The following CTIF variants were observed in gnomAD, a reference collection of about 807,000 sequenced individuals.
The protein encoded by CTIF is cap binding complex dependent translation initiation factor, also known as CBP80/20-dependent translation initiation factor.
CTIF carries 21 observed loss-of-function variants against 66.0 expected under a neutral mutation model. The observed-to-expected ratio is 0.32, with a 90% CI of 0.23 to 0.46. The LOEUF (loss-of-function observed/expected upper bound fraction) is 0.46, where lower values mean the gene tolerates loss of function less well. CTIF is among the 20% of genes least tolerant of loss of function. The pLI, the probability that CTIF is intolerant of heterozygous loss-of-function variation, is 1.00. For missense variants in CTIF, 739 were observed against 812.7 expected, an observed-to-expected ratio of 0.91 and a Z score of 1.10; for synonymous variants, 345 against 326.4, an observed-to-expected ratio of 1.06 and a Z score of -0.62.
At position 48,785,816 on chromosome 18, in the gene CTIF, G is replaced by A. The variant is rs566654598; in HGVS notation, c.1371+24127G>A. On this transcript the variant is annotated intron_variant, in intron 9 of 11. Transcript: ENST00000256413. ...TGGAAAATGCCAATGCCCAGGCTAT[G>A]CCCCAAGCAAATTGTGTCACCATCT... is the stretch of plus-strand genomic sequence containing the variant. 1.4e-4 allele frequency among the ~76,000 whole-genome samples: 21 copies of A among 152,278 alleles called. No individual in the cohort carries two copies. In the South Asian group the frequency reaches 2.1e-3, roughly 15 times the overall value.
rs566040706 is a variant in CTIF at position 48,611,720 on chromosome 18, G to A, written c.-28-7818G>A. Among the ~76,000 whole-genome samples, 15 of 152,286 alleles carry A rather than the reference G, an allele frequency of 9.8e-5. No individual in the cohort carries two copies. In the East Asian group the frequency reaches 1.7e-3, roughly 18 times the overall value. The stretch of plus-strand genomic sequence containing the variant: ...TTAAAGTTTCGGAAGCAGTGCTCCC[G>A]GCCAATATGTTTTTCATGGGTAGGT... On this transcript the variant is annotated intron_variant, in intron 1 of 11. Coordinates refer to ENST00000256413, the MANE Select transcript of CTIF (RefSeq NM_014772.3).
At chr18:48,797,579 G>A (rs764047000) in intron 9 of CTIF, among the ~76,000 whole-genome samples, 40 of 151,828 alleles carry the variant, frequency 2.6e-4, no homozygotes, top group Non-Finnish European at 5.7e-4. Context: ...TGAGTTGACT[G>A]GGGATTTGCT....
chr18:48,542,331 G>A (rs561537596), intron 1 of CTIF, among the ~76,000 whole-genome samples: 1 of 152,330 alleles, frequency 6.6e-6, no homozygotes, highest in African/African-American at 2.4e-5. Context: ...TGTTCATTGA[G>A]TCTTTATTGA....
chr18:48,765,189 G>A (rs1214046161), intron 9 of CTIF, among the ~76,000 whole-genome samples: 1 of 151,972 alleles, frequency 6.6e-6, no homozygotes, highest in Non-Finnish European at 1.5e-5. Flanking sequence ...TCATTTTCTG[G>A]CAAACTATGT....
intron 6 of CTIF, among the ~76,000 whole-genome samples, chr18:48,674,765 C>G (rs1484799649): frequency 6.6e-6 from 1 of 152,190 alleles, no homozygotes; most frequent in Non-Finnish European, 1.5e-5. Context: ...AGGGCTCACC[C>G]TATACCTCTG....
chr18:48,772,703 T>A (rs1017085038), intron 9 of CTIF, among the ~76,000 whole-genome samples: 1 of 152,260 alleles, frequency 6.6e-6, no homozygotes. Flanking sequence ...CCATTTTATG[T>A]CTATACCACA....
intron 7 of CTIF, among the ~76,000 whole-genome samples, chr18:48,754,890 G>A (rs747550977): frequency 6.6e-6 from 1 of 152,214 alleles, no homozygotes; most frequent in Non-Finnish European, 1.5e-5. Context: ...AAGCCCTGCA[G>A]GAGCCAGCTG....
Position 48,666,902 on chromosome 18 carries a change from A to G in CTIF, c.431+2351A>G, listed in dbSNP as rs183493512. On this transcript the variant is annotated intron_variant, in intron 5 of 11. Transcript: ENST00000256413. ...CCTTACCTACCTTTCTCAGTGGGTC[A>G]GCTTCAGGAAGGGGTTGTGAGCAAA... 1.2e-3 allele frequency among the ~76,000 whole-genome samples: 185 copies of G among 152,340 alleles called. 2 individuals carry two copies. Among genetic ancestry groups the G allele is most frequent in the Non-Finnish European group, 4.1e-4 (28 of 68,022 alleles).
intron 7 of CTIF, among the ~76,000 whole-genome samples, chr18:48,724,765 T>C (rs1220840494): frequency 2.0e-5 from 3 of 152,178 alleles, no homozygotes; most frequent in Non-Finnish European, 2.9e-5. Flanking sequence ...AGCACACACA[T>C]TCATTCATGT....
rs1046918626 is a variant in CTIF, at chr18:48,603,861, T to A, written c.-28-15677T>A. ...TAGACTCAGTGAAATTTTTTTTTTT[T>A]TTTTTTTGAGATGGAGTCTCACTGT... On this transcript the variant is annotated intron_variant, in intron 1 of 11. Coordinates refer to ENST00000256413, the MANE Select transcript of CTIF (RefSeq NM_014772.3). 2.6e-5 allele frequency among the ~76,000 whole-genome samples: 4 copies of A among 151,496 alleles called. No individual in the cohort carries two copies. The East Asian group carries it at 7.7e-4, about 29-fold the overall frequency.
chr18:48,568,195 T>C (rs942090077), intron 1 of CTIF: 3 of 152,062 alleles, frequency 2.0e-5, no homozygotes, highest in Admixed American at 6.5e-5. Flanking sequence ...CCTTCTCACA[T>C]TGGCTTCCTG....
intron 1 of CTIF, among the ~76,000 whole-genome samples, chr18:48,593,615 C>G (rs2144017305): frequency 6.6e-6 from 1 of 152,100 alleles, no homozygotes; most frequent in South Asian, 2.1e-4. Flanking sequence ...ATCTCCTGAC[C>G]TCGTGATCCG....
rs541182819 is a variant in CTIF at position 48,555,696 on chromosome 18, C to T, written c.-29+16384C>T. On this transcript the variant is annotated intron_variant, in intron 1 of 11. Transcript: ENST00000256413. ...ATAAGGTTTGGTGCTCACCTTTGCC[C>T]AGTTGCATAGAGACCCTGTGACATG... 9.2e-5 allele frequency among the ~76,000 whole-genome samples: 14 copies of T among 152,320 alleles called. 1 individual carries two copies. The South Asian group carries it at 2.9e-3, about 32-fold the overall frequency.
intron 9 of CTIF, among the ~76,000 whole-genome samples, chr18:48,768,122 A>T (rs1160382839): frequency 6.6e-6 from 1 of 152,164 alleles, no homozygotes; most frequent in African/African-American, 2.4e-5. Flanking sequence ...CTAAGGGGAA[A>T]ACCTCGTTCT....
intron 1 of CTIF, chr18:48,565,358 G>T (rs1442975260): frequency 6.6e-6 from 1 of 152,140 alleles, no homozygotes; most frequent in Non-Finnish European, 1.5e-5. Flanking sequence ...GTGTGCTGTA[G>T]CCTTAAATAA....
intron 10 of CTIF, among the ~76,000 whole-genome samples, chr18:48,832,917 T>C (rs4395144): frequency 0.93 from 141,136 of 152,316 alleles, 65,520 homozygotes; most frequent in East Asian, 1. Flanking sequence ...TTCCTGATAG[T>C]CAGGAAGTGC....
chr18:48,709,919 T>G (rs949509604), intron 6 of CTIF, among the ~76,000 whole-genome samples: 1 of 152,238 alleles, frequency 6.6e-6, no homozygotes, highest in Non-Finnish European at 1.5e-5. Flanking sequence ...GGATTGTTAT[T>G]AAAATGTATT....
chr18:48,594,865 A>T (rs1217236234), intron 1 of CTIF, among the ~76,000 whole-genome samples: 1 of 152,138 alleles, frequency 6.6e-6, no homozygotes, highest in African/African-American at 2.4e-5. Context: ...TGCCCTGAGG[A>T]TGTGCTGCAA....
chr18:48,669,793 TTATATATATATATATA>T (rs57715945), intron 5 of CTIF, among the ~76,000 whole-genome samples: 58 of 47,260 alleles, frequency 1.2e-3, no homozygotes, highest in Non-Finnish European at 1.4e-3. Context: ...AGCTAAACAT[TTATATATATATATATA>T]TATATATATA....
Sources: gnomAD v4.1 joint callset for allele counts (sites outside exome capture counted in the v4.1 genomes callset) on GRCh38, gnomAD v4.1.1 for gene constraint, MANE v1.5 for transcripts, NCBI Gene and HGNC (gene_info 2026-07-23, HGNC 2026-07-21) for gene names.